ZNF385D: variants seen among roughly 807,000 people sequenced by gnomAD.
ZNF385D encodes the protein zinc finger protein 659.
Under a neutral mutation model 35.8 loss-of-function variants are expected in ZNF385D, and 15 were observed. That is an observed-to-expected ratio of 0.42 (90% CI 0.28 to 0.64). The LOEUF (loss-of-function observed/expected upper bound fraction) is 0.64. ZNF385D is among the 30% of genes least tolerant of loss of function. ZNF385D has a pLI of 0.23. For synonymous variants in ZNF385D, 212 were observed against 186.8 expected (o/e 1.13, Z -1.10); for missense variants, 474 against 494.6 (o/e 0.96, Z 0.39).
At chr3:22,263,312 T>C (rs1238665125) in intron 2 of ZNF385D, among the ~76,000 whole-genome samples, 3 of 152,058 alleles carry the variant, frequency 2.0e-5, no homozygotes, top group South Asian at 2.1e-4. Flanking sequence ...CTTGTTCCAC[T>C]TGGGGACTTT....
chr3:21,793,283 G>A (rs2072003209), intron 3 of ZNF385D, among the ~76,000 whole-genome samples: 2 of 152,180 alleles, frequency 1.3e-5, no homozygotes, highest in South Asian at 4.1e-4. Flanking sequence ...TAAATGTCCT[G>A]TATACTCCAC....
chr3:22,082,591 G>A (rs1185998518), intron 3 of ZNF385D, among the ~76,000 whole-genome samples: 1 of 152,200 alleles, frequency 6.6e-6, no homozygotes, highest in Non-Finnish European at 1.5e-5. Flanking sequence ...AAGGAGGCCT[G>A]CCTGCCTCTG....
intron 1 of ZNF385D, among the ~76,000 whole-genome samples, chr3:21,748,532 C>T (rs183058022): frequency 2.2e-4 from 34 of 152,176 alleles, no homozygotes; most frequent in African/African-American, 6.0e-4. Context: ...CTCTTCATCA[C>T]GCTCTGCTGG....
At chr3:22,182,558 T>C (rs2125781385) in intron 2 of ZNF385D, among the ~76,000 whole-genome samples, 1 of 152,176 alleles carries the variant, frequency 6.6e-6, no homozygotes, top group South Asian at 2.1e-4. Flanking sequence ...AGAAATTTAT[T>C]TGCTATACTA....
At chr3:21,597,219 G>C (rs905253055) in intron 2 of ZNF385D, among the ~76,000 whole-genome samples, 3 of 151,882 alleles carry the variant, frequency 2.0e-5, no homozygotes, top group African/African-American at 7.3e-5. Context: ...TTCTTCCTTG[G>C]TGGGGACACT....
intron 1 of ZNF385D, among the ~76,000 whole-genome samples, chr3:21,706,821 TA>T (rs869079245): frequency 2.5e-5 from 1 of 40,624 alleles, no homozygotes; most frequent in African/African-American, 6.7e-5. Flanking sequence ...AGATGATAGA[TA>T]GATAGATAGA....
At chr3:21,607,278 A>G (rs2064511283) in intron 2 of ZNF385D, among the ~76,000 whole-genome samples, 1 of 152,230 alleles carries the variant, frequency 6.6e-6, no homozygotes, top group South Asian at 2.1e-4. Flanking sequence ...GAAAGTTTGC[A>G]TTAATGACTT....
intron 2 of ZNF385D, among the ~76,000 whole-genome samples, chr3:22,356,454 C>G (rs7635394): frequency 0.43 from 64,788 of 151,608 alleles, 15,824 homozygotes; most frequent in African/African-American, 0.67. Context: ...ATCTAAGAAA[C>G]GTGAGAAGCA....
intron 2 of ZNF385D, among the ~76,000 whole-genome samples, chr3:22,266,965 C>G (rs975678866): frequency 6.6e-6 from 1 of 151,828 alleles, no homozygotes. Flanking sequence ...AAATATAGTA[C>G]CTAGTGCTTT....
intron 2 of ZNF385D, among the ~76,000 whole-genome samples, chr3:22,174,732 G>A (rs1057293611): frequency 2.8e-4 from 43 of 151,984 alleles, no homozygotes; most frequent in African/African-American, 9.7e-4. Flanking sequence ...ACTTCATGGC[G>A]ATAACACTGA....
At chr3:22,095,457 T>G (rs1701568421) in intron 3 of ZNF385D, among the ~76,000 whole-genome samples, 1 of 152,052 alleles carries the variant, frequency 6.6e-6, no homozygotes, top group Non-Finnish European at 1.5e-5. Flanking sequence ...AGTTTTATTC[T>G]GGGAAGCATA....
intron 2 of ZNF385D, among the ~76,000 whole-genome samples, chr3:22,361,383 A>G (rs1051897694): frequency 1.3e-5 from 2 of 152,058 alleles, no homozygotes; most frequent in East Asian, 1.9e-4. Context: ...AGCCTAATCA[A>G]TTTAGAAACT....
chr3:22,040,584 C>T (rs533341454), intron 3 of ZNF385D, among the ~76,000 whole-genome samples: 5 of 152,114 alleles, frequency 3.3e-5, no homozygotes, highest in Non-Finnish European at 5.9e-5. Flanking sequence ...ATTTTCTGAA[C>T]AGGTTATTAA....
At chr3:21,433,816 C>T (rs191817758) in intron 5 of ZNF385D, among the ~76,000 whole-genome samples, 1 of 152,220 alleles carries the variant, frequency 6.6e-6, no homozygotes, top group South Asian at 2.1e-4. Flanking sequence ...AATGTGGTTA[C>T]CATTAAGATT....
chr3:21,872,741 C>CA (rs1697758945), intron 3 of ZNF385D, among the ~76,000 whole-genome samples: 1 of 151,984 alleles, frequency 6.6e-6, no homozygotes, highest in South Asian at 2.1e-4. Context: ...ATAAAAGCAT[C>CA]AAAAAACATA....
At chr3:21,907,866 T>G (rs973554031) in intron 3 of ZNF385D, among the ~76,000 whole-genome samples, 1 of 152,002 alleles carries the variant, frequency 6.6e-6, no homozygotes, top group African/African-American at 2.4e-5. Flanking sequence ...TACATATATG[T>G]GGAGACTGAG....
intron 3 of ZNF385D, among the ~76,000 whole-genome samples, chr3:22,030,977 C>G (rs747951570): frequency 6.6e-6 from 1 of 152,208 alleles, no homozygotes; most frequent in Non-Finnish European, 1.5e-5. Flanking sequence ...AATTCTGAAA[C>G]CCGGCTGGGC....
At chr3:22,072,145 G>C (rs1241794827) in intron 3 of ZNF385D, among the ~76,000 whole-genome samples, 2 of 151,930 alleles carry the variant, frequency 1.3e-5, no homozygotes, top group African/African-American at 4.8e-5. Context: ...TTATAAATTA[G>C]ACACCTCTAT....
At chr3:22,192,810 A>G (rs941113161) in intron 2 of ZNF385D, among the ~76,000 whole-genome samples, 2 of 152,176 alleles carry the variant, frequency 1.3e-5, no homozygotes, top group African/African-American at 4.8e-5. Context: ...CTCTACACAA[A>G]TTCTTGCCAC....
Sources: gnomAD v4.1 joint callset for allele counts (sites outside exome capture counted in the v4.1 genomes callset) on GRCh38, gnomAD v4.1.1 for gene constraint, MANE v1.5 for transcripts, NCBI Gene and HGNC (gene_info 2026-07-23, HGNC 2026-07-21) for gene names.